The following UCHL5 variants were observed in gnomAD, a reference collection of about 807,000 sequenced individuals.
The protein encoded by UCHL5 is ubiquitin carboxyl-terminal hydrolase isozyme L5.
Under a neutral mutation model 53.8 loss-of-function variants are expected in UCHL5, and 34 were observed. The ratio of observed to expected loss-of-function variants is 0.63; its 90% CI spans 0.48 to 0.84. The LOEUF is 0.84. Ranked by LOEUF, UCHL5 falls within the 40% of genes least tolerant of loss-of-function variation. The pLI is 0.00. For missense variants in UCHL5, 290 were observed against 385.6 expected, an observed-to-expected ratio of 0.75 and a Z score of 2.08; for synonymous variants, 111 against 126.3, an observed-to-expected ratio of 0.88 and a Z score of 0.81.
At chr1:193,052,558 G>A (rs1036190270) in intron 1 of UCHL5, among the ~76,000 whole-genome samples, 7 of 152,150 alleles carry the variant, frequency 4.6e-5, no homozygotes, top group East Asian at 3.8e-4. Context: ...CTGCTCTAGC[G>A]TACAGTAGTA....
intron 3 of UCHL5, among the ~76,000 whole-genome samples, chr1:193,048,957 A>G (rs549626168): frequency 3.3e-5 from 5 of 152,206 alleles, no homozygotes; most frequent in African/African-American, 1.2e-4. Flanking sequence ...TGGTATGAAC[A>G]TATCTCACTC....
chr1:193,045,471 C>T (rs541655653), intron 3 of UCHL5, among the ~76,000 whole-genome samples: 1 of 152,286 alleles, frequency 6.6e-6, no homozygotes, highest in South Asian at 2.1e-4. Flanking sequence ...GTGCCCCACT[C>T]TCTCTTTCTC....
intron 3 of UCHL5, among the ~76,000 whole-genome samples, chr1:193,045,031 A>G (rs1666910337): frequency 6.6e-6 from 1 of 152,194 alleles, no homozygotes; most frequent in Non-Finnish European, 1.5e-5. Context: ...ATACTCTACT[A>G]TCATTTTTTT....
rs530072322 is a variant in UCHL5 at position 193,042,339 on chromosome 1, G to T, written c.246+7407C>A. 5.9e-5 allele frequency among the ~76,000 whole-genome samples: 9 copies of T among 152,246 alleles called. No individual in the cohort carries two copies. The South Asian group carries it at 1.9e-3, about 32-fold the overall frequency. ...AACATAGATAAAGTTTATTTCAGCG[G>T]TAAGTTCTTAGGCACTTACTTTGTT... On this transcript the variant is annotated intron_variant, in intron 3 of 10. Coordinates refer to ENST00000367454, the MANE Select transcript of UCHL5 (RefSeq NM_001199261.3).
upstream of UCHL5, chr1:193,060,062 G>T (rs1672394157): frequency 1.5e-6 from 2 of 1,320,128 alleles, no homozygotes; most frequent in Admixed American, 2.0e-5. Flanking sequence ...CTCCCCACAG[G>T]CCGACGTCGA....
intron 3 of UCHL5, among the ~76,000 whole-genome samples, chr1:193,048,736 T>C (rs1264805296): frequency 1.3e-5 from 2 of 152,246 alleles, no homozygotes; most frequent in African/African-American, 2.4e-5. Context: ...AGCTGTGCTA[T>C]TAAGGCAGAC....
chr1:193,054,081 C>T (rs981227655), intron 1 of UCHL5, among the ~76,000 whole-genome samples: 11 of 150,014 alleles, frequency 7.3e-5, no homozygotes, highest in Non-Finnish European at 1.2e-4. Flanking sequence ...AATGATCATA[C>T]GATTTGTCAT....
At chr1:193,019,145 T>C (rs938323915) in intron 10 of UCHL5, among the ~76,000 whole-genome samples, 16 of 151,558 alleles carry the variant, frequency 1.1e-4, no homozygotes, top group Non-Finnish European at 1.8e-4. Flanking sequence ...ACTTTATGGA[T>C]GTGAAATTTT....
Position 193,056,168 on chromosome 1 carries a change from T to C in UCHL5, c.76+3017A>G, listed in dbSNP as rs535910999. 5.3e-5 allele frequency among the ~76,000 whole-genome samples: 8 copies of C among 152,330 alleles called. No individual in the cohort carries two copies. The East Asian group carries it at 1.5e-3, about 29-fold the overall frequency. On this transcript the variant is annotated intron_variant, in intron 1 of 10. Transcript: ENST00000367454. ...ATCTAAATTGTCAAATTTATTGGCA[T>C]AGTTGTTCATAATATTATTTTTAAT...
chr1:193,021,650 C>T (rs1173667251), intron 9 of UCHL5, among the ~76,000 whole-genome samples: 1 of 152,202 alleles, frequency 6.6e-6, no homozygotes, highest in Non-Finnish European at 1.5e-5. Flanking sequence ...AAACTATGCA[C>T]TGTCTAGATA....
At position 193,014,338 on chromosome 1, in the gene UCHL5, T is replaced by C. The variant is rs1006803772; in HGVS notation, c.*2013A>G. 4 of 152,270 alleles carry C rather than the reference T, an allele frequency of 2.6e-5. No individual in the cohort carries two copies. In the East Asian group the frequency reaches 7.7e-4, roughly 29 times the overall value. The allele number at this position is 152,270 out of a possible 1,614,324, so 9.4% of individuals were successfully genotyped here. ...CACTCTTAAGCTATGGAAATTCCTA[T>C]TAAGGAATTTTATTAGATTAATAAG... On this transcript the variant is annotated 3_prime_UTR_variant, in exon 11 of 11. Coordinates refer to ENST00000367454, the MANE Select transcript of UCHL5 (RefSeq NM_001199261.3).
intron 3 of UCHL5, among the ~76,000 whole-genome samples, chr1:193,045,666 T>C (rs771639100): frequency 2.0e-5 from 3 of 152,198 alleles, no homozygotes; most frequent in Admixed American, 2.0e-4. Context: ...TATTTCTTTA[T>C]AGCAATGCAA....
chr1:193,043,200 GT>G (rs945350275), intron 3 of UCHL5, among the ~76,000 whole-genome samples: 3 of 85,330 alleles, frequency 3.5e-5, no homozygotes, highest in Non-Finnish European at 6.9e-5. Context: ...ATAAACTATT[GT>G]TTTTTTTATG....
intron 3 of UCHL5, among the ~76,000 whole-genome samples, chr1:193,033,925 CTTG>C: frequency 6.6e-6 from 1 of 152,094 alleles, no homozygotes; most frequent in Non-Finnish European, 1.5e-5. Context: ...GTTTGATGTG[CTTG>C]TTGTTCAAGA....
At chr1:193,057,752 A>G (rs1671112138) in intron 1 of UCHL5, among the ~76,000 whole-genome samples, 1 of 152,232 alleles carries the variant, frequency 6.6e-6, no homozygotes, top group African/African-American at 2.4e-5. Flanking sequence ...TCACTTTGCT[A>G]GCTGTTGGCT....
intron 10 of UCHL5, among the ~76,000 whole-genome samples, 189 bp from the exon 11 acceptor site, chr1:193,016,584 T>C (rs1367218489): frequency 6.6e-6 from 1 of 151,878 alleles, no homozygotes; most frequent in East Asian, 1.9e-4. Flanking sequence ...ACATAGTTAT[T>C]CTTTGCCCTA....
chr1:193,044,636 T>C (rs1358216535), intron 3 of UCHL5, among the ~76,000 whole-genome samples: 1 of 152,184 alleles, frequency 6.6e-6, no homozygotes, highest in Non-Finnish European at 1.5e-5. Flanking sequence ...AATCCCATTA[T>C]AAATGCCATT....
intron 8 of UCHL5, 44 bp from the exon 9 acceptor site, chr1:193,023,080 G>C (rs756591239): frequency 1.5e-6 from 2 of 1,328,234 alleles, no homozygotes; most frequent in Admixed American, 3.7e-5. Context: ...TAATAATTGA[G>C]GCTTACATTC....
intron 3 of UCHL5, among the ~76,000 whole-genome samples, chr1:193,033,349 G>A (rs1175670718): frequency 2.6e-5 from 4 of 152,052 alleles, no homozygotes; most frequent in Non-Finnish European, 5.9e-5. Flanking sequence ...GGCACAGGGA[G>A]GGGAACATCA....
Sources: allele counts gnomAD v4.1 joint callset (sites outside exome capture counted in the v4.1 genomes callset), GRCh38; gene constraint gnomAD v4.1.1; transcripts MANE v1.5; gene names NCBI Gene and HGNC (gene_info 2026-07-23, HGNC 2026-07-21).